CDH4: variants seen among roughly 807,000 people sequenced by gnomAD.
CDH4 encodes the protein cadherin 4, also known as cadherin-4.
Under a neutral mutation model 86.0 loss-of-function variants are expected in CDH4, and 33 were observed. The ratio of observed to expected loss-of-function variants is 0.38; its 90% CI spans 0.29 to 0.51. The LOEUF is 0.51. Ranked by LOEUF, CDH4 falls within the 20% of genes least tolerant of loss-of-function variation. The pLI is 0.86. For missense variants in CDH4, 1,114 were observed against 1,307.4 expected (o/e 0.85, Z 2.28); for synonymous variants, 555 against 549.4 (o/e 1.01, Z -0.14).
chr20:61,461,723 TTAACC>T (rs1244512981), intron 2 of CDH4, among the ~76,000 whole-genome samples: 7 of 152,218 alleles, frequency 4.6e-5, no homozygotes, highest in African/African-American at 1.4e-4. Context: ...GGTTGTTCAC[TTAACC>T]TGTGCGCTGA....
intron 2 of CDH4, among the ~76,000 whole-genome samples, chr20:61,730,443 A>G (rs1035668302): frequency 1.3e-5 from 2 of 152,188 alleles, no homozygotes; most frequent in Non-Finnish European, 2.9e-5. Flanking sequence ...TCAGTTAGCA[A>G]CATGTCCTTA....
At chr20:61,689,078 G>C (rs1261776547) in intron 2 of CDH4, among the ~76,000 whole-genome samples, 3 of 152,388 alleles carry the variant, frequency 2.0e-5, no homozygotes, top group Admixed American at 2.0e-4. Flanking sequence ...TCTCCTATCT[G>C]TGGGTAGCTG....
At chr20:61,508,772 G>C (rs1221076244) in intron 2 of CDH4, among the ~76,000 whole-genome samples, 1 of 152,224 alleles carries the variant, frequency 6.6e-6, no homozygotes, top group Non-Finnish European at 1.5e-5. Context: ...AGCTGCTCTT[G>C]AGCAGCACAG....
At chr20:61,839,649 G>T (rs888544756) in intron 4 of CDH4, among the ~76,000 whole-genome samples, 11 of 151,716 alleles carry the variant, frequency 7.3e-5, no homozygotes, top group African/African-American at 2.2e-4. Context: ...TTTGTGTCGT[G>T]TACATGTTTG....
chr20:61,858,336 T>TGTGTGTCTGTGTCC (rs1983149988), intron 6 of CDH4, among the ~76,000 whole-genome samples: 1 of 151,244 alleles, frequency 6.6e-6, no homozygotes, highest in Non-Finnish European at 1.5e-5. Flanking sequence ...TGTCTGTGTC[T>TGTGTGTCTGTGTCC]GTATCTGCGT....
chr20:61,628,268 C>T (rs1017550927), intron 2 of CDH4, among the ~76,000 whole-genome samples: 1 of 152,128 alleles, frequency 6.6e-6, no homozygotes, highest in Non-Finnish European at 1.5e-5. Flanking sequence ...GAGATGGTGC[C>T]GCCTGCCGTG....
chr20:61,786,162 G>A (rs1029176860), intron 4 of CDH4, among the ~76,000 whole-genome samples: 5 of 152,236 alleles, frequency 3.3e-5, no homozygotes, highest in East Asian at 1.9e-4. Context: ...TGGACCCCCC[G>A]TTCAAACAGC....
chr20:61,361,978 C>T (rs1004651260), intron 2 of CDH4, among the ~76,000 whole-genome samples: 1 of 152,256 alleles, frequency 6.6e-6, no homozygotes, highest in Non-Finnish European at 1.5e-5. Flanking sequence ...GGAGCCCACA[C>T]TCTCCGAGAG....
At chr20:61,515,414 C>T (rs2085811588) in intron 2 of CDH4, among the ~76,000 whole-genome samples, 1 of 152,240 alleles carries the variant, frequency 6.6e-6, no homozygotes, top group Non-Finnish European at 1.5e-5. Context: ...CCCTCCTGGG[C>T]TCATCAGCTT....
chr20:61,327,881 C>T lies in CDH4; in HGVS notation c.169+72944C>T, dbSNP rs572512206. Among the ~76,000 whole-genome samples the T allele has an allele frequency of 6.6e-5, 10 of 152,146 alleles. No individual in the cohort carries two copies. In the South Asian group the frequency reaches 8.3e-4, roughly 13 times the overall value. ...AGCATCCACAGAACAGGACACCAGA[C>T]GGCTTGCGTAAAGGATCAGGTGTAG... On this transcript the variant is annotated intron_variant, in intron 2 of 15. Coordinates refer to ENST00000614565, the MANE Select transcript of CDH4 (RefSeq NM_001794.5).
chr20:61,918,727 C>A (rs1253314171), intron 9 of CDH4, among the ~76,000 whole-genome samples: 1 of 152,060 alleles, frequency 6.6e-6, no homozygotes, highest in Non-Finnish European at 1.5e-5. Flanking sequence ...TGCGTGTCAC[C>A]CCCAGGGGCA....
chr20:61,876,754 C>T (rs1175732738), intron 7 of CDH4, among the ~76,000 whole-genome samples: 1 of 152,164 alleles, frequency 6.6e-6, no homozygotes, highest in East Asian at 1.9e-4. Context: ...CCTGTGGCTT[C>T]AGGACCATCT....
At chr20:61,555,107 A>G (rs1892306) in intron 2 of CDH4, among the ~76,000 whole-genome samples, 82,213 of 151,528 alleles carry the variant, frequency 0.54, 25,699 homozygotes, top group African/African-American at 0.87. Context: ...TATGAGCCGT[A>G]TGTGTGTGTG....
intron 2 of CDH4, among the ~76,000 whole-genome samples, chr20:61,357,147 G>A (rs1339405411): frequency 1.3e-5 from 2 of 152,194 alleles, no homozygotes; most frequent in Non-Finnish European, 2.9e-5. Flanking sequence ...TACACTGCTA[G>A]GAAGTTCCTT....
intron 2 of CDH4, among the ~76,000 whole-genome samples, chr20:61,555,531 C>T (rs1276550481): frequency 6.6e-6 from 1 of 152,210 alleles, no homozygotes; most frequent in Non-Finnish European, 1.5e-5. Flanking sequence ...GACGATCATG[C>T]CCCACACCTG....
At chr20:61,662,461 G>A (rs1296300841) in intron 2 of CDH4, among the ~76,000 whole-genome samples, 6 of 152,216 alleles carry the variant, frequency 3.9e-5, no homozygotes, top group Non-Finnish European at 8.8e-5. Flanking sequence ...GGGAGGACGA[G>A]GGCGGCTGCC....
intron 2 of CDH4, among the ~76,000 whole-genome samples, chr20:61,634,158 G>A (rs1310172463): frequency 6.6e-6 from 1 of 152,132 alleles, no homozygotes; most frequent in Non-Finnish European, 1.5e-5. Context: ...TCATGAAAGG[G>A]CTCTGCAAAC....
At chr20:61,257,869 G>T (rs913848934) in intron 2 of CDH4, among the ~76,000 whole-genome samples, 1 of 152,220 alleles carries the variant, frequency 6.6e-6, no homozygotes. Flanking sequence ...TCGTAGAGGC[G>T]GGAGAGTCCT....
rs914644999 is a variant in CDH4 at position 61,517,760 on chromosome 20, T to G, written c.170-225803T>G. Reference sequence around the variant, plus strand: ...CACCATTCGTCTTATTCTTGTCAGCTATTATATGTCTGATTTTATGGTTTT... The same window carrying G: ...CACCATTCGTCTTATTCTTGTCAGCGATTATATGTCTGATTTTATGGTTTT... On this transcript the variant is annotated intron_variant, in intron 2 of 15. Coordinates refer to ENST00000614565, the MANE Select transcript of CDH4 (RefSeq NM_001794.5). This position sits in a 1 kb window ranked among gnomAD's most constrained non-coding sequence, Gnocchi z 6.6. 2.0e-5 allele frequency among the ~76,000 whole-genome samples: 3 copies of G among 152,216 alleles called. No individual in the cohort carries two copies. The highest frequency in any genetic ancestry group is 7.2e-5 in the African/African-American group (3 of 41,454).
Sources: allele counts gnomAD v4.1 joint callset (sites outside exome capture counted in the v4.1 genomes callset), GRCh38; gene constraint gnomAD v4.1.1; non-coding constraint Gnocchi (gnomAD v3.1); transcripts MANE v1.5; gene names NCBI Gene and HGNC (gene_info 2026-07-23, HGNC 2026-07-21).